KIAA1210: variants seen among roughly 807,000 people sequenced by gnomAD.
KIAA1210 encodes acrosomal protein KIAA1210.
A neutral mutation model predicts 78.9 loss-of-function variants in KIAA1210; 48 were observed. That is an observed-to-expected ratio of 0.61 (90% confidence interval 0.48 to 0.77). The LOEUF (loss-of-function observed/expected upper bound fraction) is 0.77. KIAA1210 is among the 30% of genes least tolerant of loss of function. KIAA1210 has a pLI of 0.00. For synonymous variants in KIAA1210, 406 were observed against 404.5 expected, an observed-to-expected ratio of 1.00 and a Z score of -0.04; for missense variants, 1,108 against 1,100.0, an observed-to-expected ratio of 1.01 and a Z score of -0.10.
chrX:119,144,229 A>G (rs1929115099), intron 2 of KIAA1210, among the ~76,000 whole-genome samples: 1 of 112,471 alleles, frequency 8.9e-6, no homozygotes, highest in Non-Finnish European at 1.9e-5. Context: ...CCTGCCATAC[A>G]CTGGTCAGGT....
intron 7 of KIAA1210, chrX:119,094,200 GGC>G: frequency 2.1e-6 from 1 of 477,144 alleles, no homozygotes; most frequent in African/African-American, 2.4e-5. Flanking sequence ...AATCCTTTTT[GGC>G]TTCTTTTCAG....
chrX:119,096,063 G>A (rs1312096013), intron 7 of KIAA1210, among the ~76,000 whole-genome samples: 2 of 111,897 alleles, frequency 1.8e-5, no homozygotes, highest in Non-Finnish European at 3.8e-5. Context: ...GGATGTTTAG[G>A]GTTGCTGAAA....
chrX:119,092,837 T>C (rs1927428871), intron 8 of KIAA1210, among the ~76,000 whole-genome samples: 1 of 110,815 alleles, frequency 9.0e-6, no homozygotes, highest in Non-Finnish European at 1.9e-5. Flanking sequence ...AGTACTCATT[T>C]AATCTTCCTT....
chrX:119,096,578 G>C lies in KIAA1210; in HGVS notation c.762C>G (p.Thr254=), dbSNP rs1459516043. 1 of 1,211,351 alleles carries C rather than the reference G, an allele frequency of 8.3e-7. No homozygotes were observed. ...QLPIGFSTPA[T]TQGCLDSSAA... is the part of the protein sequence containing the mutation. The stretch of plus-strand genomic sequence containing the variant: ...CTGAAGAATCCAAACAGCCCTGGGT[G>C]GTGGCTGGGGTGCTGAAACCAATGG... The change falls in exon 7 of 12, where the codon ACC becomes ACG. Residue 254 remains threonine, a synonymous_variant. Coordinates refer to ENST00000691062, the MANE Select transcript of KIAA1210 (RefSeq NM_001394962.1).
At chrX:119,143,870 C>T (rs1349812934) in intron 2 of KIAA1210, among the ~76,000 whole-genome samples, 1 of 112,313 alleles carries the variant, frequency 8.9e-6, no homozygotes, top group African/African-American at 3.2e-5. Context: ...AATTAAGGCT[C>T]AGAAAGGTTA....
rs1021408544 is a variant in KIAA1210 at position 119,109,217 on chromosome X, A to G, written c.231-15T>C. The stretch of plus-strand genomic sequence containing the variant: ...TGCTCTTGGCCCTGGACAGAAAGGA[A>G]AGGTCTTGTAAAAGCAACCCAAGGG... On this transcript the variant is annotated splice_polypyrimidine_tract_variant and intron_variant, in intron 3 of 11. Transcript: ENST00000691062. 1 of 1,185,624 alleles carries G rather than the reference A, an allele frequency of 8.4e-7. No individual in the cohort carries two copies. Among genetic ancestry groups the G allele is most frequent in the Non-Finnish European group, 1.1e-6 (1 of 881,814 alleles).
At chrX:119,110,141 C>G (rs896100769) in intron 3 of KIAA1210, among the ~76,000 whole-genome samples, 25 of 111,573 alleles carry the variant, frequency 2.2e-4, no homozygotes, top group African/African-American at 8.1e-4. Context: ...CGAACTGAAT[C>G]CAACAGCATA....
rs1313639578 is a variant in KIAA1210, at chrX:119,088,428, A to C, written c.2274T>G (p.Thr758=). The C allele has an allele frequency of 7.4e-6, 9 of 1,209,579 alleles. No individual in the cohort carries two copies. Among genetic ancestry groups the C allele is most frequent in the Non-Finnish European group, 3.4e-6 (3 of 895,056 alleles). The change falls in exon 9 of 12, where the codon ACT becomes ACG. Residue 758 remains threonine, a synonymous_variant. Coordinates refer to ENST00000691062, the MANE Select transcript of KIAA1210 (RefSeq NM_001394962.1). ...CCACGGAATCGCTCTGTTTTATAGA[A>C]GTGCCCACTGAACTGGTGGGGACTT... ...QQQVPTSSVG[T]SIKQSDSVEP...
At chrX:119,122,616 G>A (rs1928503729) in intron 2 of KIAA1210, among the ~76,000 whole-genome samples, 1 of 112,336 alleles carries the variant, frequency 8.9e-6, no homozygotes, top group African/African-American at 3.2e-5. Context: ...AATTGGTTTG[G>A]TAGTTGGGTT....
At position 119,089,734 on chromosome X, in the gene KIAA1210, T is replaced by TGGCTTGA; in HGVS notation, c.961_967dup (p.Gln323LeufsTer10). 1.7e-6 allele frequency: 2 copies of TGGCTTGA among 1,199,571 alleles called. No homozygotes were observed. Among genetic ancestry groups the TGGCTTGA allele is most frequent in the Non-Finnish European group, 2.2e-6 (2 of 890,890 alleles). On this transcript the variant is annotated frameshift_variant, in exon 9 of 12. Transcript: ENST00000691062. LOFTEE classifies it high-confidence loss of function. ...CATCTCAGTTTTGTTGTTCTGTTTC[T>TGGCTTGA]GGCTTGAGGAATCTGCACCAAACAG...
intron 2 of KIAA1210, among the ~76,000 whole-genome samples, chrX:119,139,458 A>G (rs1024607877): frequency 3.6e-5 from 4 of 111,422 alleles, no homozygotes; most frequent in African/African-American, 1.3e-4. Flanking sequence ...AGAAGCCTAA[A>G]CTTCACCAAG....
At chrX:119,099,348 G>C (rs973281844) in intron 6 of KIAA1210, among the ~76,000 whole-genome samples, 1 of 112,085 alleles carries the variant, frequency 8.9e-6, no homozygotes, top group Non-Finnish European at 1.9e-5. Flanking sequence ...TCCAATCACA[G>C]CCGAAGCCAA....
chrX:119,135,707 A>G (rs1258652308), intron 2 of KIAA1210, among the ~76,000 whole-genome samples: 1 of 111,951 alleles, frequency 8.9e-6, no homozygotes, highest in Non-Finnish European at 1.9e-5. Flanking sequence ...AGTGGTCAAT[A>G]ATAACACCAG....
Position 119,086,999 on chromosome X carries a change from A to G in KIAA1210, c.3703T>C (p.Phe1235Leu), listed in dbSNP as rs1293796198. 8.3e-7 allele frequency: 1 copy of G among 1,211,448 alleles called. No homozygotes were observed. The highest frequency in any genetic ancestry group is 1.1e-6 in the Non-Finnish European group (1 of 895,393). The change falls in exon 9 of 12, where the codon TTC becomes CTC. Residue 1235 changes from phenylalanine to leucine, a missense_variant. Physicochemically the swap from Phe to Leu is conservative, Grantham distance 22 (BLOSUM62 0). This residue lies in a region of KIAA1210 where 245 missense variants were observed against 278.8 expected (regional missense o/e 0.88). Coordinates refer to ENST00000691062, the MANE Select transcript of KIAA1210 (RefSeq NM_001394962.1). ...DEAFAIKTKK[F>L]SQGSKNPIKS... ...ATGGGGTTTTTGGAACCTTGGCTGA[A>G]TTTCTTGGTTTTGATTGCAAAAGCT...
At chrX:119,130,728 G>A (rs187879837), upstream of KIAA1210, among the ~76,000 whole-genome samples, 103 of 112,250 alleles carry the variant, frequency 9.2e-4, no homozygotes, top group East Asian at 0.027. Context: ...GAGGGAAGAG[G>A]AACTATATGT....
chrX:119,087,242 G>A lies in KIAA1210; in HGVS notation c.3460C>T (p.Pro1154Ser). The A allele has an allele frequency of 8.3e-7, 1 of 1,211,212 alleles. No homozygotes were observed. ...TCTGAGGCTTGGGAAGAATGTTTGG[G>A]AGGCAGCTGCTTTTTAGAATTCCTC... ...EWRNSKKQLP[P>S]KHSSQASDRS... The change falls in exon 9 of 12, where the codon CCC (proline) becomes TCC (serine). Residue 1154 changes from proline (P) to serine (S), a missense_variant. This residue lies in a region of KIAA1210 where 245 missense variants were observed against 278.8 expected (regional missense o/e 0.88). Transcript: ENST00000691062.
intron 3 of KIAA1210, among the ~76,000 whole-genome samples, chrX:119,115,464 C>T (rs1273014308): frequency 1.8e-5 from 2 of 111,723 alleles, no homozygotes; most frequent in African/African-American, 3.3e-5. Context: ...CTTTCAAAAC[C>T]GTCTGCCCTA....
At position 119,100,694 on chromosome X, in the gene KIAA1210, A is replaced by C. The variant is rs757774669; in HGVS notation, c.649-4003T>G. ...CACCCAAATAATATACCTTGTACCCATTAAGTAATTTGTCATCCCTCACCC... is the reference window on the plus strand; with the variant it reads ...CACCCAAATAATATACCTTGTACCCCTTAAGTAATTTGTCATCCCTCACCC... On this transcript the variant is annotated intron_variant, in intron 6 of 11. Transcript: ENST00000691062. 2.7e-5 allele frequency among the ~76,000 whole-genome samples: 3 copies of C among 111,956 alleles called. No individual in the cohort carries two copies. In the South Asian group the frequency reaches 1.1e-3, roughly 42 times the overall value.
intron 5 of KIAA1210, among the ~76,000 whole-genome samples, chrX:119,107,417 C>T (rs138719664): frequency 0.014 from 1,627 of 112,287 alleles, 30 homozygotes; most frequent in African/African-American, 0.049. Flanking sequence ...CCTGTTGCCA[C>T]TTGGTCATGG....
Sources: gnomAD v4.1 joint callset for allele counts (sites outside exome capture counted in the v4.1 genomes callset) on GRCh38, gnomAD v4.1.1 for gene constraint, gnomAD v4.1.1 regional missense constraint, MANE v1.5 for transcripts, NCBI Gene and HGNC (gene_info 2026-07-23, HGNC 2026-07-21) for gene names.